Variants in NAV1 observed in about 807,000 individuals in gnomAD.
NAV1 encodes pore membrane and/or filament interacting like protein 3.
NAV1 carries 18 observed loss-of-function variants against 175.2 expected under a neutral mutation model. The observed-to-expected ratio is 0.10, with a 90% CI of 0.07 to 0.15. The LOEUF is 0.15. NAV1 is among the 10% of genes least tolerant of loss of function. The probability of loss-of-function intolerance (pLI) is 1.00; values close to 1 mark genes in which losing one functional copy is unlikely to be tolerated. For synonymous variants in NAV1, 897 were observed against 978.7 expected (o/e 0.92, Z 1.56); for missense variants, 1,731 against 2,436.6 (o/e 0.71, Z 6.10).
chr1:201,670,969 G>A (rs939869510), intron 1 of NAV1, among the ~76,000 whole-genome samples: 3 of 152,178 alleles, frequency 2.0e-5, no homozygotes, highest in Admixed American at 1.3e-4. Flanking sequence ...AGCACCAATG[G>A]TGATGACTAG....
chr1:201,731,249 G>T (rs147537006), intron 3 of NAV1, among the ~76,000 whole-genome samples: 275 of 152,186 alleles, frequency 1.8e-3, no homozygotes, highest in African/African-American at 6.4e-3. Context: ...GACAGATACT[G>T]TGTGAGACCC....
intron 1 of NAV1, among the ~76,000 whole-genome samples, chr1:201,693,291 C>A (rs1300086600): frequency 2.0e-5 from 3 of 152,210 alleles, no homozygotes; most frequent in Non-Finnish European, 4.4e-5. Flanking sequence ...AAGTCTGTTA[C>A]AGGCTGCAGC....
chr1:201,610,143 C>A (rs1246504569), intron 2 of NAV1, among the ~76,000 whole-genome samples: 1 of 152,252 alleles, frequency 6.6e-6, no homozygotes, highest in Non-Finnish European at 1.5e-5. Context: ...GCCAGCTCAA[C>A]TTCCTGGGAA....
chr1:201,744,654 A>T (rs1673655408), intron 3 of NAV1, among the ~76,000 whole-genome samples: 1 of 152,160 alleles, frequency 6.6e-6, no homozygotes, highest in Non-Finnish European at 1.5e-5. Flanking sequence ...CAGGGGCCAT[A>T]CTTTGAGTGG....
At chr1:201,580,409 T>A (rs1230284770) in intron 1 of NAV1, among the ~76,000 whole-genome samples, 2 of 152,050 alleles carry the variant, frequency 1.3e-5, no homozygotes, top group Admixed American at 1.3e-4. Flanking sequence ...ACAAATAAAA[T>A]TTTTTTTTGG....
At chr1:201,795,575 A>C (rs1270924809) in intron 15 of NAV1, 1 of 151,846 alleles carries the variant, frequency 6.6e-6, no homozygotes, top group Non-Finnish European at 1.5e-5. Flanking sequence ...TCTAACTATA[A>C]TCTTATTTCT....
chr1:201,638,820 C>A (rs1478170646), intron 2 of NAV1, among the ~76,000 whole-genome samples: 1 of 152,176 alleles, frequency 6.6e-6, no homozygotes, highest in Non-Finnish European at 1.5e-5. Context: ...GGGTCCCTGG[C>A]AATAGGAGGT....
chr1:201,639,325 T>C (rs947073414), intron 2 of NAV1, among the ~76,000 whole-genome samples: 1 of 152,148 alleles, frequency 6.6e-6, no homozygotes, highest in Non-Finnish European at 1.5e-5. Context: ...AGCGAGGTCA[T>C]CAGGTCAGAG....
upstream of NAV1, among the ~76,000 whole-genome samples, chr1:201,618,168 A>T (rs1668057678): frequency 6.6e-6 from 1 of 152,090 alleles, no homozygotes; most frequent in Non-Finnish European, 1.5e-5. Context: ...CTGCTGCCAG[A>T]GACCTGAAAT....
chr1:201,664,275 A>C (rs1397210425), intron 1 of NAV1, among the ~76,000 whole-genome samples: 1 of 152,102 alleles, frequency 6.6e-6, no homozygotes, highest in South Asian at 2.1e-4. Flanking sequence ...CCAGGAGGTG[A>C]AGGTTGCAGT....
chr1:201,602,235 T>C (rs773361526), intron 2 of NAV1, among the ~76,000 whole-genome samples: 2 of 152,236 alleles, frequency 1.3e-5, no homozygotes, highest in Non-Finnish European at 2.9e-5. Context: ...CTTTTCTTTA[T>C]GTTTCTTCCC....
intron 2 of NAV1, among the ~76,000 whole-genome samples, chr1:201,593,000 G>A (rs548630986): frequency 2.6e-5 from 4 of 152,236 alleles, no homozygotes; most frequent in South Asian, 2.1e-4. Flanking sequence ...CTCTGTGGAC[G>A]TTGTTCAGTC....
intron 15 of NAV1, among the ~76,000 whole-genome samples, chr1:201,798,839 A>G (rs1313799432): frequency 6.6e-6 from 1 of 150,790 alleles, no homozygotes; most frequent in Non-Finnish European, 1.5e-5. Context: ...AGTAGCTGGG[A>G]CTACAGGTGT....
At chr1:201,671,278 A>T (rs564796195) in intron 1 of NAV1, among the ~76,000 whole-genome samples, 4 of 152,232 alleles carry the variant, frequency 2.6e-5, no homozygotes, top group African/African-American at 9.6e-5. Flanking sequence ...TCCCTGTATG[A>T]CATTGATCCC....
Position 201,813,294 on chromosome 1 carries a change from A to C in NAV1, c.5340+36A>C. The C allele has an allele frequency of 3.0e-6, 4 of 1,335,630 alleles. No individual in the cohort carries two copies. Among genetic ancestry groups the C allele is most frequent in the Non-Finnish European group, 4.3e-6 (4 of 932,786 alleles). The allele number at this position is 1,335,630 out of a possible 1,614,324, so 82.7% of individuals were successfully genotyped here. On this transcript the variant is annotated intron_variant, in intron 28 of 29. Coordinates refer to ENST00000367296, the Ensembl canonical transcript of NAV1. The surrounding 1 kb of genome is among the most constrained non-coding windows in gnomAD (Gnocchi z 4.2). ...CCCCCTTCACTCAAACCCTAAGATC[A>C]GGCTGTCCTACCTAACAAAGTAGGA...
chr1:201,808,613 C>T lies in NAV1; in HGVS notation c.4038+3C>T, dbSNP rs548586558. 5.0e-6 allele frequency: 8 copies of T among 1,614,234 alleles called. No individual in the cohort carries two copies. Among genetic ancestry groups the T allele is most frequent in the South Asian group, 1.1e-5 (1 of 91,058 alleles). ...GGGAGACCATGCACAACATGCAGGT[C>T]AGTGTCTGGGCGGACAGCTGCAGGA... On this transcript the variant is annotated splice_donor_region_variant and intron_variant, in intron 19 of 29. Transcript: ENST00000367296. The surrounding 1 kb of genome is among the most constrained non-coding windows in gnomAD (Gnocchi z 5.5).
At chr1:201,639,626 C>T (rs1668695396) in intron 2 of NAV1, among the ~76,000 whole-genome samples, 1 of 152,156 alleles carries the variant, frequency 6.6e-6, no homozygotes, top group Non-Finnish European at 1.5e-5. Context: ...AAACCCTTGG[C>T]TGAAGGAGGG....
intron 8 of NAV1, 129 bp downstream of exon 12, chr1:201,785,480 GGTCCCATACAA>G (rs947551859): frequency 9.1e-5 from 88 of 970,790 alleles, no homozygotes; most frequent in Non-Finnish European, 1.3e-4. Flanking sequence ...ATTTGTATGT[GGTCCCATACAA>G]GTACCACCTA....
intron 15 of NAV1, among the ~76,000 whole-genome samples, chr1:201,802,058 A>C: frequency 7.3e-6 from 1 of 137,272 alleles, no homozygotes; most frequent in Non-Finnish European, 1.6e-5. Flanking sequence ...AATGGCGTGA[A>C]CCCGGGAGGC....
Sources: gnomAD v4.1 joint callset for allele counts (sites outside exome capture counted in the v4.1 genomes callset) on GRCh38, gnomAD v4.1.1 for gene constraint, Gnocchi (gnomAD v3.1) non-coding constraint, MANE v1.5 for transcripts, NCBI Gene and HGNC (gene_info 2026-07-23, HGNC 2026-07-21) for gene names.